Variants in GRIP1 observed in about 807,000 individuals in gnomAD.
The protein encoded by GRIP1 is glutamate receptor-interacting protein 1.
A neutral mutation model predicts 129.9 loss-of-function variants in GRIP1; 45 were observed. The ratio of observed to expected loss-of-function variants is 0.35; its 90% CI spans 0.27 to 0.44. GRIP1 has a LOEUF of 0.44. Ranked by LOEUF, GRIP1 falls within the 20% of genes least tolerant of loss-of-function variation. The probability of loss-of-function intolerance (pLI) is 1.00; values close to 1 mark genes in which losing one functional copy is unlikely to be tolerated. For missense variants in GRIP1, 1,196 were observed against 1,396.8 expected (o/e 0.86, Z 2.29); for synonymous variants, 530 against 520.8 (o/e 1.02, Z -0.24).
At chr12:66,452,837 A>G (rs1192299321) in intron 11 of GRIP1, among the ~76,000 whole-genome samples, 1 of 152,236 alleles carries the variant, frequency 6.6e-6, no homozygotes, top group Non-Finnish European at 1.5e-5. Context: ...GCAATAAAAG[A>G]AAAGAAAAAA....
intron 2 of GRIP1, among the ~76,000 whole-genome samples, chr12:66,555,345 C>T (rs913179724): frequency 6.6e-6 from 1 of 152,154 alleles, no homozygotes. Flanking sequence ...CATTACTGGG[C>T]TTGGGGTGCC....
At chr12:66,881,413 C>T (rs2040476467) in intron 1 of GRIP1, among the ~76,000 whole-genome samples, 1 of 152,174 alleles carries the variant, frequency 6.6e-6, no homozygotes, top group Non-Finnish European at 1.5e-5. Context: ...TAATAAATCT[C>T]TGTGCTAAAA....
intron 1 of GRIP1, among the ~76,000 whole-genome samples, chr12:66,628,357 G>A (rs2030344339): frequency 1.3e-5 from 2 of 152,028 alleles, no homozygotes. Context: ...GAAAGCAGGG[G>A]TCTGAACAGG....
intron 7 of GRIP1, among the ~76,000 whole-genome samples, chr12:66,477,711 C>T (rs1408918261): frequency 6.6e-6 from 1 of 152,142 alleles, no homozygotes; most frequent in Non-Finnish European, 1.5e-5. Flanking sequence ...ATAGAGCCCT[C>T]AGAAATAATA....
chr12:66,504,517 G>C (rs991106292), intron 7 of GRIP1, among the ~76,000 whole-genome samples: 1 of 152,150 alleles, frequency 6.6e-6, no homozygotes, highest in African/African-American at 2.4e-5. Context: ...ATATGTACCT[G>C]TAGTGCTCAG....
intron 1 of GRIP1, among the ~76,000 whole-genome samples, chr12:66,945,050 C>G (rs2041645611): frequency 6.6e-6 from 1 of 152,176 alleles, no homozygotes; most frequent in East Asian, 1.9e-4. Context: ...ACCTTGGCCT[C>G]CCAAAGTGCT....
chr12:66,785,313 TACATAC>T (rs2038290044), intron 1 of GRIP1, among the ~76,000 whole-genome samples: 8 of 49,104 alleles, frequency 1.6e-4, no homozygotes, highest in African/African-American at 4.5e-4. Flanking sequence ...TTAACATACA[TACATAC>T]ATACATACAT....
chr12:66,913,719 C>T (rs2137323852), intron 1 of GRIP1, among the ~76,000 whole-genome samples: 1 of 152,268 alleles, frequency 6.6e-6, no homozygotes, highest in East Asian at 1.9e-4. Flanking sequence ...TCAATGTCTT[C>T]AGTCTAAAGA....
At chr12:66,802,143 T>TAAAAGCCC (rs1051512987) in intron 1 of GRIP1, among the ~76,000 whole-genome samples, 5 of 152,104 alleles carry the variant, frequency 3.3e-5, no homozygotes, top group African/African-American at 1.2e-4. Context: ...TTATCTTCTT[T>TAAAAGCCC]AAAAGCCCTG....
intron 1 of GRIP1, among the ~76,000 whole-genome samples, chr12:66,677,834 T>C (rs1334664284): frequency 1.3e-5 from 2 of 152,190 alleles, no homozygotes; most frequent in African/African-American, 4.8e-5. Flanking sequence ...AATTCTGATA[T>C]GTCAAGCTAA....
chr12:66,786,397 C>T (rs2038346814), intron 1 of GRIP1, among the ~76,000 whole-genome samples: 1 of 152,046 alleles, frequency 6.6e-6, no homozygotes, highest in Non-Finnish European at 1.5e-5. Context: ...CCGTGTCTTA[C>T]AGCAAACTGC....
intron 1 of GRIP1, among the ~76,000 whole-genome samples, chr12:66,613,302 C>T (rs2064890923): frequency 6.6e-6 from 1 of 152,068 alleles, no homozygotes; most frequent in Non-Finnish European, 1.5e-5. Context: ...GATTTGCTCA[C>T]CTGATCCTTT....
chr12:67,044,330 G>T (rs2043222377), intron 1 of GRIP1, among the ~76,000 whole-genome samples: 1 of 152,146 alleles, frequency 6.6e-6, no homozygotes, highest in South Asian at 2.1e-4. Context: ...AGAGAACTAG[G>T]ATTTGTAGAT....
Position 66,569,191 on chromosome 12 carries a change from C to T in GRIP1, c.137-27241G>A, listed in dbSNP as rs547408319. 6 of 222,962 alleles carry T rather than the reference C, an allele frequency of 2.7e-5. No homozygotes were observed. The East Asian group carries it at 6.5e-4, about 24-fold the overall frequency. 13.8% of individuals were successfully genotyped at this position (222,962 alleles called of 1,614,324 possible). A position where few individuals can be genotyped will look rare whatever the true frequency, so the allele number is the denominator to read the frequency against. On this transcript the variant is annotated intron_variant, in intron 2 of 24. Coordinates refer to ENST00000359742, the MANE Select transcript of GRIP1 (RefSeq NM_001366722.1). The stretch of plus-strand genomic sequence containing the variant: ...TGTTCTATCAAGATTTGTAGGTGGG[C>T]ATCAGTCTCTGGAGCGGTGGCTCAC...
At chr12:66,645,327 G>A (rs1347865816) in intron 1 of GRIP1, among the ~76,000 whole-genome samples, 6 of 152,140 alleles carry the variant, frequency 3.9e-5, no homozygotes, top group East Asian at 3.8e-4. Context: ...ACCTTAGGTC[G>A]CCTGACCTCT....
chr12:66,724,930 A>G (rs527638101), intron 1 of GRIP1, among the ~76,000 whole-genome samples: 8 of 152,314 alleles, frequency 5.3e-5, no homozygotes, highest in African/African-American at 1.9e-4. Context: ...CCACTTGGAC[A>G]CCCAAATGAA....
At chr12:67,061,448 A>T (rs2043535043) in intron 1 of GRIP1, among the ~76,000 whole-genome samples, 1 of 152,256 alleles carries the variant, frequency 6.6e-6, no homozygotes, top group Admixed American at 6.5e-5. Flanking sequence ...AAAATGGCTA[A>T]GAGACAGAAG....
At chr12:66,866,106 A>T (rs2040200802) in intron 1 of GRIP1, among the ~76,000 whole-genome samples, 1 of 152,142 alleles carries the variant, frequency 6.6e-6, no homozygotes. Flanking sequence ...ACACAGATTT[A>T]AAAACCTATC....
intron 3 of GRIP1, among the ~76,000 whole-genome samples, chr12:66,541,154 T>C (rs1237697843): frequency 1.3e-5 from 2 of 152,146 alleles, no homozygotes; most frequent in South Asian, 2.1e-4. Context: ...GTCCCCTTTT[T>C]CTGAGGCAGA....
Sources: gnomAD v4.1 joint callset for allele counts (sites outside exome capture counted in the v4.1 genomes callset) on GRCh38, gnomAD v4.1.1 for gene constraint, MANE v1.5 for transcripts, NCBI Gene and HGNC (gene_info 2026-07-23, HGNC 2026-07-21) for gene names.